MAP2: variants seen among roughly 807,000 people sequenced by gnomAD.
MAP2 encodes the protein microtubule associated protein 2, also known as microtubule-associated protein 2.
A neutral mutation model predicts 137.6 loss-of-function variants in MAP2; 14 were observed. The observed-to-expected ratio is 0.10, with a 90% CI of 0.07 to 0.16. The LOEUF (loss-of-function observed/expected upper bound fraction) is 0.16. Among genes scored for constraint, MAP2 ranks in the 10% least tolerant of loss-of-function variants. MAP2 has a pLI of 1.00. For missense variants in MAP2, 2,088 were observed against 2,191.5 expected (o/e 0.95, Z 0.94); for synonymous variants, 786 against 782.3 (o/e 1.00, Z -0.08).
intron 1 of MAP2, among the ~76,000 whole-genome samples, chr2:209,434,409 AT>A (rs1681845375): frequency 6.6e-6 from 1 of 151,882 alleles, no homozygotes; most frequent in South Asian, 2.1e-4. Flanking sequence ...ATAATGGGGT[AT>A]TTAATTATTG....
intron 11 of MAP2, among the ~76,000 whole-genome samples, chr2:209,703,523 A>G (rs1294242146): frequency 6.6e-6 from 1 of 152,136 alleles, no homozygotes; most frequent in Non-Finnish European, 1.5e-5. Context: ...ATCCAAAAAG[A>G]ATATTTTATA....
At chr2:209,586,727 G>A (rs1371995428) in intron 3 of MAP2, among the ~76,000 whole-genome samples, 5 of 152,102 alleles carry the variant, frequency 3.3e-5, no homozygotes, top group Non-Finnish European at 5.9e-5. Flanking sequence ...GTCTAAAGAG[G>A]GGCCTGAGAT....
chr2:209,610,085 C>T (rs967636555), intron 3 of MAP2, among the ~76,000 whole-genome samples: 39 of 151,972 alleles, frequency 2.6e-4, no homozygotes, highest in East Asian at 1.9e-4. Flanking sequence ...ATGGCAAGAG[C>T]TATAAAGAAG....
At chr2:209,642,840 T>G (rs896772550) in intron 4 of MAP2, among the ~76,000 whole-genome samples, 25 of 152,310 alleles carry the variant, frequency 1.6e-4, no homozygotes, top group African/African-American at 6.0e-4. Flanking sequence ...TGTTTAAGCT[T>G]AGAACTTCTC....
intron 1 of MAP2, among the ~76,000 whole-genome samples, chr2:209,489,543 G>A (rs1255790610): frequency 6.6e-6 from 1 of 152,150 alleles, no homozygotes; most frequent in African/African-American, 2.4e-5. Context: ...TAAGAACCTT[G>A]ATAAAAGGTT....
chr2:209,566,056 CT>C (rs1265310610), intron 2 of MAP2, among the ~76,000 whole-genome samples: 1 of 152,194 alleles, frequency 6.6e-6, no homozygotes, highest in African/African-American at 2.4e-5. Context: ...TCAGCGACTG[CT>C]GACTATGCAC....
At chr2:209,548,550 G>T (rs1297970361) in intron 2 of MAP2, among the ~76,000 whole-genome samples, 1 of 152,118 alleles carries the variant, frequency 6.6e-6, no homozygotes, top group African/African-American at 2.4e-5. Context: ...AAAAATATTA[G>T]CCAGAAATGC....
intron 2 of MAP2, among the ~76,000 whole-genome samples, chr2:209,557,496 C>T (rs1227078477): frequency 6.6e-6 from 1 of 152,124 alleles, no homozygotes; most frequent in African/African-American, 2.4e-5. Context: ...CAGAGTGAAT[C>T]GTGTGGAGGC....
At chr2:209,704,149 G>A (rs998569048) in intron 11 of MAP2, 1 of 424,896 alleles carries the variant, frequency 2.4e-6, no homozygotes, top group Non-Finnish European at 4.6e-6. Flanking sequence ...AGTGTCTATT[G>A]TTGCCATCTT....
chr2:209,452,168 G>C (rs551161025), intron 1 of MAP2, among the ~76,000 whole-genome samples: 1 of 152,280 alleles, frequency 6.6e-6, no homozygotes, highest in East Asian at 1.9e-4. Flanking sequence ...GAGTGTGAAA[G>C]GGTATGAAGT....
Position 209,653,354 on chromosome 2 carries a change from G to A in MAP2, c.184G>A (p.Gly62Arg), listed in dbSNP as rs755377024. 2.5e-6 allele frequency: 4 copies of A among 1,614,064 alleles called. No individual in the cohort carries two copies. The highest frequency in any genetic ancestry group is 2.2e-5 in the South Asian group (2 of 91,066). Residue 62 changes from glycine to arginine, a missense_variant, in exon 5 of 16, where the codon GGG (glycine) becomes AGG (arginine). By Grantham distance (125) the Gly-to-Arg change is moderately radical. This residue lies in a region of MAP2 where 859 missense variants were observed against 794.5 expected (regional missense o/e 1.08). Transcript: ENST00000682079. ...TGAAGAGGGTGCCTTTGGAGAGCAT[G>A]GGTCACAGGGCACCTATTCAAATAC... ...EDEEGAFGEHGSQGTYSNTKE... is the reference protein window; with the variant it reads ...EDEEGAFGEHRSQGTYSNTKE...
chr2:209,689,637 T>TG (rs201402545), intron 7 of MAP2, among the ~76,000 whole-genome samples: 2 of 152,148 alleles, frequency 1.3e-5, no homozygotes, highest in South Asian at 2.1e-4. Flanking sequence ...ATACATGGTT[T>TG]GGGGGGTGGT....
chr2:209,526,872 G>C (rs551839328), intron 2 of MAP2, among the ~76,000 whole-genome samples: 7 of 152,058 alleles, frequency 4.6e-5, no homozygotes, highest in African/African-American at 1.7e-4. Context: ...TCCTAAGCTT[G>C]ATCATCCATG....
At chr2:209,648,407 G>A (rs2094545838) in intron 4 of MAP2, among the ~76,000 whole-genome samples, 1 of 151,668 alleles carries the variant, frequency 6.6e-6, no homozygotes, top group African/African-American at 2.4e-5. Context: ...GCCATGTCTT[G>A]GATTTTTAAA....
chr2:209,620,421 T>C (rs997298989), intron 3 of MAP2, among the ~76,000 whole-genome samples: 3 of 152,248 alleles, frequency 2.0e-5, no homozygotes, highest in African/African-American at 2.4e-5. Flanking sequence ...CTCTTAATCC[T>C]TTCAAATTAT....
chr2:209,560,364 T>C (rs2071725395), intron 2 of MAP2, among the ~76,000 whole-genome samples: 1 of 152,210 alleles, frequency 6.6e-6, no homozygotes, highest in Non-Finnish European at 1.5e-5. Context: ...AAGAACAGTG[T>C]AATTTAGGGA....
At chr2:209,529,032 T>A (rs545870977) in intron 2 of MAP2, among the ~76,000 whole-genome samples, 1 of 152,094 alleles carries the variant, frequency 6.6e-6, no homozygotes, top group Non-Finnish European at 1.5e-5. Context: ...ACCAATTCAT[T>A]ATAGTTCCTT....
At chr2:209,689,162 A>T (rs2058087102) in intron 7 of MAP2, among the ~76,000 whole-genome samples, 2 of 152,180 alleles carry the variant, frequency 1.3e-5, no homozygotes, top group Non-Finnish European at 2.9e-5. Context: ...TTTTAACTGT[A>T]ATCAAAATCT....
intron 4 of MAP2, among the ~76,000 whole-genome samples, chr2:209,638,523 C>T (rs1368248193): frequency 6.6e-6 from 1 of 152,038 alleles, no homozygotes; most frequent in African/African-American, 2.4e-5. Context: ...ATGACTCATA[C>T]GTTACTTATA....
Sources: gnomAD v4.1 joint callset for allele counts (sites outside exome capture counted in the v4.1 genomes callset) on GRCh38, gnomAD v4.1.1 for gene constraint, gnomAD v4.1.1 regional missense constraint, MANE v1.5 for transcripts, NCBI Gene and HGNC (gene_info 2026-07-23, HGNC 2026-07-21) for gene names.